NUP210L: variants seen among roughly 807,000 people sequenced by gnomAD.
The protein encoded by NUP210L is nucleoporin 210 like, also known as nuclear pore membrane glycoprotein 210-like.
In NUP210L, 74 loss-of-function variants were observed where a neutral mutation model predicts 208.5. That is an observed-to-expected ratio of 0.35 (90% CI 0.29 to 0.43). NUP210L has a LOEUF of 0.43. Among genes scored for constraint, NUP210L ranks in the 20% least tolerant of loss-of-function variants. The pLI is 1.00. For missense variants in NUP210L, 1,843 were observed against 2,289.4 expected, an observed-to-expected ratio of 0.81 and a Z score of 3.98; for synonymous variants, 780 against 816.9, an observed-to-expected ratio of 0.95 and a Z score of 0.77.
intron 38 of NUP210L, 120 bp from the exon 39 acceptor site, chr1:153,993,209 A>ATT (rs1649579704): frequency 3.2e-6 from 2 of 627,744 alleles, no homozygotes; most frequent in East Asian, 6.0e-5. Flanking sequence ...TAGTAATGGC[A>ATT]CTATTACAGG....
At chr1:154,057,232 C>A (rs1653915996) in intron 22 of NUP210L, among the ~76,000 whole-genome samples, 1 of 152,102 alleles carries the variant, frequency 6.6e-6, no homozygotes, top group Non-Finnish European at 1.5e-5. Flanking sequence ...CCTGCCACAG[C>A]CTCCCATCAT....
chr1:154,097,023 G>A (rs956458365), intron 14 of NUP210L, among the ~76,000 whole-genome samples: 53 of 152,056 alleles, frequency 3.5e-4, no homozygotes, highest in African/African-American at 1.0e-3. Context: ...GGAGGTTGCC[G>A]AGATTGCACC....
chr1:154,142,966 A>G (rs1658930420), intron 3 of NUP210L, among the ~76,000 whole-genome samples: 1 of 152,052 alleles, frequency 6.6e-6, no homozygotes, highest in Non-Finnish European at 1.5e-5. Context: ...AGGCGGGTGG[A>G]TCACCTGAGG....
intron 35 of NUP210L, among the ~76,000 whole-genome samples, chr1:154,003,877 C>T (rs1344800838): frequency 1.3e-5 from 2 of 152,086 alleles, no homozygotes; most frequent in East Asian, 1.9e-4. Context: ...CTGACATCTG[C>T]CCCTTCTTAG....
chr1:154,036,366 CTTTTTTTTT>C (rs34750631), intron 27 of NUP210L, among the ~76,000 whole-genome samples: 1 of 65,464 alleles, frequency 1.5e-5, no homozygotes, highest in Non-Finnish European at 3.0e-5. Flanking sequence ...GTGTGTATAA[CTTTTTTTTT>C]TTTTTTTTTT....
intron 7 of NUP210L, among the ~76,000 whole-genome samples, chr1:154,135,326 C>T (rs991276554): frequency 2.6e-5 from 4 of 152,214 alleles, no homozygotes; most frequent in Non-Finnish European, 5.9e-5. Flanking sequence ...AACTATACTC[C>T]TTTTCTCTAC....
intron 38 of NUP210L, among the ~76,000 whole-genome samples, chr1:153,994,739 C>T (rs180866740): frequency 2.6e-5 from 4 of 151,698 alleles, no homozygotes; most frequent in East Asian, 3.9e-4. Flanking sequence ...TTCATCTGGG[C>T]GCGGTGGCTC....
intron 27 of NUP210L, among the ~76,000 whole-genome samples, chr1:154,031,721 C>CTT (rs780787597): frequency 7.1e-6 from 1 of 140,162 alleles, no homozygotes. Context: ...GATCACATTC[C>CTT]TTTTTTTTTT....
chr1:154,113,630 C>A (rs1023223581), intron 12 of NUP210L, among the ~76,000 whole-genome samples: 2 of 150,824 alleles, frequency 1.3e-5, no homozygotes, highest in Admixed American at 6.6e-5. Flanking sequence ...GAGGCCAAGG[C>A]GGGCAGATCA....
intron 18 of NUP210L, 98 bp downstream of exon 18, chr1:154,061,488 A>T: frequency 1.4e-6 from 1 of 709,964 alleles, no homozygotes; most frequent in Non-Finnish European, 2.4e-6. Flanking sequence ...TTACAGAGGT[A>T]TATAGTCTCA....
intron 16 of NUP210L, among the ~76,000 whole-genome samples, chr1:154,084,516 A>T (rs948052862): frequency 1.3e-5 from 2 of 151,032 alleles, no homozygotes; most frequent in Non-Finnish European, 3.0e-5. Flanking sequence ...CCGGCCTTAA[A>T]TTTTTTGTAC....
chr1:154,014,958 T>G (rs1365144413), intron 33 of NUP210L, among the ~76,000 whole-genome samples: 1 of 152,120 alleles, frequency 6.6e-6, no homozygotes, highest in Admixed American at 6.6e-5. Flanking sequence ...TACCAGAGAT[T>G]GTGCCACTGC....
At chr1:154,031,192 A>C (rs910023249) in intron 27 of NUP210L, among the ~76,000 whole-genome samples, 7 of 152,104 alleles carry the variant, frequency 4.6e-5, no homozygotes, top group Admixed American at 3.9e-4. Context: ...GGGTTCAAGC[A>C]ATTCTCCCTG....
intron 14 of NUP210L, among the ~76,000 whole-genome samples, chr1:154,095,788 AG>A (rs1656149743): frequency 6.6e-6 from 1 of 152,222 alleles, no homozygotes; most frequent in Non-Finnish European, 1.5e-5. Flanking sequence ...TATTTCTCCA[AG>A]AACTTTATAA....
intron 5 of NUP210L, among the ~76,000 whole-genome samples, chr1:154,138,633 G>T (rs1658674663): frequency 6.6e-6 from 1 of 152,144 alleles, no homozygotes; most frequent in African/African-American, 2.4e-5. Flanking sequence ...TGATTTTTAT[G>T]AAGATTTACC....
Position 154,128,783 on chromosome 1 carries a change from G to A in NUP210L, c.1078+494C>T, listed in dbSNP as rs143407463. 3.5e-3 allele frequency among the ~76,000 whole-genome samples: 535 copies of A among 152,188 alleles called. 2 individuals carry two copies. Among genetic ancestry groups the A allele is most frequent in the African/African-American group, 0.012 (500 of 41,516 alleles). ...GATTGCTTGAGCCTGAGAGGCAGAG[G>A]TTGCAGTCAGCCAAGATCACACCAC... On this transcript the variant is annotated intron_variant, in intron 8 of 39. Coordinates refer to ENST00000368559, the Ensembl canonical transcript of NUP210L.
chr1:154,055,187 C>G (rs552857356), intron 23 of NUP210L, among the ~76,000 whole-genome samples: 13 of 84,054 alleles, frequency 1.5e-4, no homozygotes, highest in Admixed American at 1.4e-3. Flanking sequence ...TTCTTTCTTT[C>G]TTTTTCTTTC....
rs1651841325 is a variant in NUP210L at position 154,025,720 on chromosome 1, G to C, written c.3948-4C>G. On this transcript the variant is annotated splice_polypyrimidine_tract_variant and splice_region_variant and intron_variant, in intron 29 of 39. Transcript: ENST00000368559. ...ACTCACGAAGGCAGCTCCTTCCCTA[G>C]GGAACAAGGAAAGGAAGTGGCATCT... 2 of 1,610,680 alleles carry C rather than the reference G, an allele frequency of 1.2e-6. No homozygotes were observed. Among genetic ancestry groups the C allele is most frequent in the African/African-American group, 1.3e-5 (1 of 74,910 alleles).
At chr1:154,001,019 G>T (rs1557904406) in exon 37 of NUP210L, 1 of 1,614,186 alleles carries the variant, frequency 6.2e-7, no homozygotes, top group Non-Finnish European at 8.5e-7. Flanking sequence ...GGGGAGAGTG[G>T]CTATGGCCAG....
Sources: gnomAD v4.1 joint callset for allele counts (sites outside exome capture counted in the v4.1 genomes callset) on GRCh38, gnomAD v4.1.1 for gene constraint, MANE v1.5 for transcripts, NCBI Gene and HGNC (gene_info 2026-07-23, HGNC 2026-07-21) for gene names.